The following PGBD5 variants were observed in gnomAD, a reference collection of about 807,000 sequenced individuals.
The protein encoded by PGBD5 is piggyBac transposable element-derived protein 5.
PGBD5 carries 14 observed loss-of-function variants against 47.9 expected under a neutral mutation model. The ratio of observed to expected loss-of-function variants is 0.29; its 90% CI spans 0.19 to 0.46. The LOEUF (loss-of-function observed/expected upper bound fraction) is 0.46. PGBD5 is among the 20% of genes least tolerant of loss of function. The pLI is 1.00. For synonymous variants in PGBD5, 316 were observed against 306.3 expected, an observed-to-expected ratio of 1.03 and a Z score of -0.33; for missense variants, 635 against 716.0, an observed-to-expected ratio of 0.89 and a Z score of 1.29.
intron 1 of PGBD5, among the ~76,000 whole-genome samples, chr1:230,389,515 C>T (rs1273766406): frequency 1.3e-5 from 2 of 152,208 alleles, no homozygotes; most frequent in Non-Finnish European, 2.9e-5. Context: ...ATACGTTAAA[C>T]TTTCCATAAA....
intron 3 of PGBD5, 149 bp from the exon 4 acceptor site, chr1:230,337,437 T>G (rs1667345103): frequency 3.7e-6 from 3 of 806,062 alleles, no homozygotes; most frequent in Non-Finnish European, 5.7e-6. Flanking sequence ...TCACAGGGAC[T>G]CTAGGTCACC....
At chr1:230,392,499 G>C (rs1656809457) in intron 1 of PGBD5, among the ~76,000 whole-genome samples, 1 of 152,194 alleles carries the variant, frequency 6.6e-6, no homozygotes, top group Non-Finnish European at 1.5e-5. Context: ...GAGTTATAAA[G>C]CACCCGAGCT....
At chr1:230,350,453 A>T (rs555440526) in intron 3 of PGBD5, among the ~76,000 whole-genome samples, 3 of 152,264 alleles carry the variant, frequency 2.0e-5, no homozygotes, top group African/African-American at 4.8e-5. Flanking sequence ...AAGGTTATTC[A>T]TAATTTCACC....
chr1:230,377,566 G>C (rs748138948), intron 1 of PGBD5: 7 of 1,608,090 alleles, frequency 4.4e-6, no homozygotes, highest in South Asian at 1.1e-5. Flanking sequence ...CTCAGGTCCT[G>C]CAGAGTCCCC....
At chr1:230,328,099 C>T (rs1667152366) in intron 5 of PGBD5, among the ~76,000 whole-genome samples, 1 of 152,144 alleles carries the variant, frequency 6.6e-6, no homozygotes, top group Non-Finnish European at 1.5e-5. Context: ...GTCATGGCCG[C>T]TCTCCGAAGA....
intron 4 of PGBD5, among the ~76,000 whole-genome samples, chr1:230,334,783 A>T (rs553546738): frequency 1.3e-5 from 2 of 152,242 alleles, no homozygotes; most frequent in East Asian, 3.9e-4. Context: ...AGGCAAGGAG[A>T]TCTTTTTTAT....
chr1:230,388,653 G>A (rs1039161135), intron 1 of PGBD5, among the ~76,000 whole-genome samples: 25 of 152,122 alleles, frequency 1.6e-4, no homozygotes, highest in African/African-American at 6.0e-4. Flanking sequence ...CTGACCTCAT[G>A]ATCCACCTGA....
Position 230,314,888 on chromosome 1 carries a change from TAGC to T in PGBD5, c.*8534_*8536del, listed in dbSNP as rs1666912758. 6.6e-6 allele frequency: 1 copy of T among 152,160 alleles called. No homozygotes were observed. The highest frequency in any genetic ancestry group is 6.5e-5 in the Admixed American group (1 of 15,276). 9.4% of individuals were successfully genotyped at this position (152,160 alleles called of 1,614,324 possible). A position where few individuals can be genotyped will look rare whatever the true frequency, so the allele number is the denominator to read the frequency against. ...GTGGAAACAAAATTCTCACAATGAA[TAGC>T]AGTCTTTCCAGCTTCTTTGACACGG... is the stretch of plus-strand genomic sequence containing the variant. On this transcript the variant is annotated 3_prime_UTR_variant, in exon 7 of 7. Coordinates refer to ENST00000391860, the MANE Select transcript of PGBD5 (RefSeq NM_001258311.2).
chr1:230,373,365 G>T (rs570958099), intron 1 of PGBD5, among the ~76,000 whole-genome samples: 53 of 152,308 alleles, frequency 3.5e-4, no homozygotes, highest in Admixed American at 6.5e-4. Flanking sequence ...GTCTGTAGCT[G>T]CCTGCGCATG....
At chr1:230,341,054 GGAA>G (rs1667401055) in intron 3 of PGBD5, among the ~76,000 whole-genome samples, 1 of 152,186 alleles carries the variant, frequency 6.6e-6, no homozygotes, top group Non-Finnish European at 1.5e-5. Context: ...TAGGAAATCT[GGAA>G]GAAGGATGCA....
intron 1 of PGBD5, among the ~76,000 whole-genome samples, chr1:230,360,825 T>C (rs1362016712): frequency 1.3e-5 from 2 of 152,204 alleles, no homozygotes; most frequent in Non-Finnish European, 2.9e-5. Context: ...TTGAACAATA[T>C]GGCCCTGGCA....
chr1:230,404,424 G>C (rs1657219424), intron 1 of PGBD5, among the ~76,000 whole-genome samples: 1 of 151,854 alleles, frequency 6.6e-6, no homozygotes, highest in African/African-American at 2.4e-5. Flanking sequence ...GGACCAGCCT[G>C]GGCCCCCATC....
At chr1:230,383,288 G>A (rs938903567) in intron 1 of PGBD5, among the ~76,000 whole-genome samples, 1 of 151,836 alleles carries the variant, frequency 6.6e-6, no homozygotes, top group African/African-American at 2.4e-5. Flanking sequence ...TGCCAGGGCT[G>A]GTCTCGAACT....
chr1:230,396,480 G>A (rs999646394), intron 1 of PGBD5, among the ~76,000 whole-genome samples: 6 of 93,120 alleles, frequency 6.4e-5, no homozygotes, highest in Admixed American at 1.5e-4. Context: ...CCCTACTTCC[G>A]CAGCCAGGGT....
chr1:230,316,739 T>G lies in PGBD5; in HGVS notation c.*6686A>C, dbSNP rs2102805494. ...CTGGAGGAGTAGGTGGGCACCATAC[T>G]TCCTTGGAGAAAACAGAAGCAAGCA... On this transcript the variant is annotated 3_prime_UTR_variant, in exon 7 of 7. Coordinates refer to ENST00000391860, the MANE Select transcript of PGBD5 (RefSeq NM_001258311.2). 6.6e-6 allele frequency: 1 copy of G among 152,186 alleles called. No homozygotes were observed. The highest frequency in any genetic ancestry group is 2.1e-4 in the South Asian group (1 of 4,810). The allele number at this position is 152,186 out of a possible 1,614,324, so 9.4% of individuals were successfully genotyped here. A position where few individuals can be genotyped will look rare whatever the true frequency, so the allele number is the denominator to read the frequency against.
intron 5 of PGBD5, 38 bp downstream of exon 5, chr1:230,332,806 C>T (rs756096741): frequency 6.2e-6 from 10 of 1,611,908 alleles, no homozygotes; most frequent in African/African-American, 1.3e-5. Context: ...AACCAATCCC[C>T]GCGCGCCCCA....
Position 230,357,698 on chromosome 1 carries a change from C to T in PGBD5, c.332-377G>A, listed in dbSNP as rs75257307. On this transcript the variant is annotated intron_variant, in intron 1 of 6. Coordinates refer to ENST00000391860, the MANE Select transcript of PGBD5 (RefSeq NM_001258311.2). This position sits in a 1 kb window ranked among gnomAD's most constrained non-coding sequence, Gnocchi z 5.7. ...CGTGGAATCCCTGCTCTCCAGAACC[C>T]GTGTGGCACAGGGTGTCGGTCTAGG... 0.016 allele frequency among the ~76,000 whole-genome samples: 2,404 copies of T among 152,278 alleles called. 34 individuals are homozygous for T. Among genetic ancestry groups the T allele is most frequent in the African/African-American group, 0.038 (1,579 of 41,546 alleles).
rs191035748 is a variant in PGBD5, at chr1:230,376,435, C to A, written c.332-19114G>T. ...CCACCTCAGAATGATCCTTCCCACA[C>A]CAGCTAGAGTGGCTGAGTGGATTCT... On this transcript the variant is annotated intron_variant, in intron 1 of 6. Transcript: ENST00000391860. Among the ~76,000 whole-genome samples, 354 of 152,216 alleles carry A rather than the reference C, an allele frequency of 2.3e-3. 6 individuals are homozygous for A. Among genetic ancestry groups the A allele is most frequent in the Non-Finnish European group, 3.2e-4 (22 of 68,016 alleles).
At chr1:230,411,295 G>A (rs894492492) in intron 1 of PGBD5, among the ~76,000 whole-genome samples, 6 of 152,218 alleles carry the variant, frequency 3.9e-5, no homozygotes, top group African/African-American at 4.8e-5. Context: ...AAAAAAGGGC[G>A]GAGAGGGGAA....
Sources: gnomAD v4.1 joint callset for allele counts (sites outside exome capture counted in the v4.1 genomes callset) on GRCh38, gnomAD v4.1.1 for gene constraint, Gnocchi (gnomAD v3.1) non-coding constraint, MANE v1.5 for transcripts, NCBI Gene and HGNC (gene_info 2026-07-23, HGNC 2026-07-21) for gene names.